Variants in APOLD1 observed in about 807,000 individuals in gnomAD.
APOLD1 encodes the protein apolipoprotein L domain-containing protein 1.
APOLD1 carries 22 observed loss-of-function variants against 15.3 expected under a neutral mutation model. The observed-to-expected ratio is 1.44, with a 90% CI of 1.03 to 2.05. The LOEUF is 2.05. Among genes scored for constraint, APOLD1 ranks in the 30% most tolerant of loss-of-function variants. The pLI, the probability that APOLD1 is intolerant of heterozygous loss-of-function variation, is 0.00. For missense variants in APOLD1, 394 were observed against 353.5 expected, an observed-to-expected ratio of 1.11 and a Z score of -0.92; for synonymous variants, 190 against 167.4, an observed-to-expected ratio of 1.13 and a Z score of -1.04.
chr12:12,776,562 G>C (rs1281266200), intron 1 of APOLD1, among the ~76,000 whole-genome samples: 1 of 152,202 alleles, frequency 6.6e-6, no homozygotes, highest in Non-Finnish European at 1.5e-5. Flanking sequence ...TATAGTGTAG[G>C]TTTCACCCAC....
At chr12:12,777,889 GTTTTTTTTTTT>G (rs71436735) in intron 1 of APOLD1, among the ~76,000 whole-genome samples, 22 of 117,060 alleles carry the variant, frequency 1.9e-4, no homozygotes, top group African/African-American at 6.8e-4. Context: ...AAGGAAAGGT[GTTTTTTTTTTT>G]TTTTTTTTTT....
At chr12:12,727,326 T>TA (rs1946600880) in intron 1 of APOLD1, among the ~76,000 whole-genome samples, 1 of 152,222 alleles carries the variant, frequency 6.6e-6, no homozygotes, top group Non-Finnish European at 1.5e-5. Context: ...CATATTGGGC[T>TA]AAATAAAATA....
chr12:12,748,132 A>C (rs1051890807), intron 1 of APOLD1, among the ~76,000 whole-genome samples: 1 of 152,220 alleles, frequency 6.6e-6, no homozygotes, highest in Non-Finnish European at 1.5e-5. Context: ...GGAAAGAAAC[A>C]ATCTTTTCAT....
chr12:12,733,564 G>A (rs1353476930), intron 1 of APOLD1, among the ~76,000 whole-genome samples: 1 of 152,298 alleles, frequency 6.6e-6, no homozygotes, highest in East Asian at 1.9e-4. Context: ...ATTTTTAACA[G>A]TAGATTTTAA....
chr12:12,769,535 C>T (rs185501550), intron 1 of APOLD1, among the ~76,000 whole-genome samples: 149 of 151,082 alleles, frequency 9.9e-4, no homozygotes, highest in African/African-American at 3.5e-3. Context: ...AGTTTTACCT[C>T]CAGGGGCTCT....
rs7298643 is a variant in APOLD1, at chr12:12,773,839, G to A, written c.97-13070G>A. ...ACAAAGGAGCAAAAGCAAGACAATG[G>A]CGCAAAGATAGTCTTTCAACAAATG... is the stretch of plus-strand genomic sequence containing the variant. On this transcript the variant is annotated intron_variant, in intron 1 of 1. Transcript: ENST00000326765. 6.7e-3 allele frequency among the ~76,000 whole-genome samples: 1,014 copies of A among 152,180 alleles called. 10 individuals carry two copies. The highest frequency in any genetic ancestry group is 0.022 in the African/African-American group (920 of 41,506).
At chr12:12,746,130 A>G (rs2136376498) in intron 1 of APOLD1, among the ~76,000 whole-genome samples, 1 of 152,254 alleles carries the variant, frequency 6.6e-6, no homozygotes, top group Non-Finnish European at 1.5e-5. Flanking sequence ...AAGAGAGAAC[A>G]AAAGGAAGGG....
intron 1 of APOLD1, among the ~76,000 whole-genome samples, chr12:12,741,198 C>T (rs531910654): frequency 1.6e-4 from 25 of 152,206 alleles, no homozygotes; most frequent in African/African-American, 5.5e-4. Context: ...AACTGTCATA[C>T]TTTTTTTACG....
chr12:12,754,876 CAAAAAA>C (rs56984147), intron 1 of APOLD1, among the ~76,000 whole-genome samples: 2 of 98,818 alleles, frequency 2.0e-5, no homozygotes, highest in Non-Finnish European at 4.3e-5. Context: ...CTTTGTCTCT[CAAAAAA>C]AAAAAAAAAA....
At chr12:12,774,588 A>G (rs1478039442) in intron 1 of APOLD1, among the ~76,000 whole-genome samples, 1 of 145,806 alleles carries the variant, frequency 6.9e-6, no homozygotes, top group East Asian at 2.0e-4. Flanking sequence ...AGAAAAGAAA[A>G]GTAAAGAAAA....
At chr12:12,773,044 A>C (rs1947000828) in intron 1 of APOLD1, among the ~76,000 whole-genome samples, 1 of 152,118 alleles carries the variant, frequency 6.6e-6, no homozygotes, top group African/African-American at 2.4e-5. Flanking sequence ...GCACCACTGC[A>C]CTCCAGCCTG....
Position 12,790,966 on chromosome 12 carries a change from A to G in APOLD1, c.*3314A>G, listed in dbSNP as rs778289222. 3 of 152,240 alleles carry G rather than the reference A, an allele frequency of 2.0e-5. No individual in the cohort carries two copies. Among genetic ancestry groups the G allele is most frequent in the Non-Finnish European group, 4.4e-5 (3 of 68,032 alleles). The allele number at this position is 152,240 out of a possible 1,614,324, so 9.4% of individuals were successfully genotyped here. On this transcript the variant is annotated 3_prime_UTR_variant, in exon 2 of 2. Transcript: ENST00000356591. The stretch of plus-strand genomic sequence containing the variant: ...TTAGATGATAAGTGTACTTCACAAA[A>G]ATGCCAAAGTTTGAAAAATAGGTAT...
At chr12:12,745,088 C>T (rs528623520) in intron 1 of APOLD1, among the ~76,000 whole-genome samples, 86 of 152,226 alleles carry the variant, frequency 5.6e-4, no homozygotes, top group African/African-American at 2.0e-3. Flanking sequence ...CCCTTCCTGT[C>T]TAAAAAAAGT....
intron 1 of APOLD1, among the ~76,000 whole-genome samples, chr12:12,778,262 A>G (rs1016128623): frequency 6.0e-5 from 9 of 151,054 alleles, no homozygotes; most frequent in Non-Finnish European, 1.2e-4. Flanking sequence ...CTGATGGTTT[A>G]CATTTCTTCT....
chr12:12,767,765 A>C (rs1946952771), intron 1 of APOLD1, among the ~76,000 whole-genome samples: 1 of 152,098 alleles, frequency 6.6e-6, no homozygotes, highest in African/African-American at 2.4e-5. Flanking sequence ...ACATGAAAGG[A>C]GGTGAGTAGG....
intron 1 of APOLD1, among the ~76,000 whole-genome samples, 182 bp downstream of exon 1, chr12:12,785,876 A>T (rs1454548409): frequency 6.6e-6 from 1 of 152,224 alleles, no homozygotes; most frequent in African/African-American, 2.4e-5. Context: ...CTAGAATCTG[A>T]TGTCTGATGC....
At chr12:12,756,458 T>C (rs970732463) in intron 1 of APOLD1, among the ~76,000 whole-genome samples, 3 of 152,244 alleles carry the variant, frequency 2.0e-5, no homozygotes, top group African/African-American at 7.2e-5. Flanking sequence ...TTTCTTTCAG[T>C]TTGGTAAATT....
chr12:12,727,121 AAATT>A (rs1156936432), intron 1 of APOLD1, among the ~76,000 whole-genome samples: 4 of 152,348 alleles, frequency 2.6e-5, no homozygotes, highest in East Asian at 1.9e-4. Flanking sequence ...GATTTCCACT[AAATT>A]AAGCCACTTT....
intron 1 of APOLD1, among the ~76,000 whole-genome samples, chr12:12,757,192 T>C (rs771878825): frequency 2.0e-5 from 3 of 152,200 alleles, no homozygotes; most frequent in Non-Finnish European, 2.9e-5. Context: ...TTGAAGAGAT[T>C]GGACTCAGGC....
Sources: gnomAD v4.1 joint callset for allele counts (sites outside exome capture counted in the v4.1 genomes callset) on GRCh38, gnomAD v4.1.1 for gene constraint, MANE v1.5 for transcripts, NCBI Gene and HGNC (gene_info 2026-07-23, HGNC 2026-07-21) for gene names.